The following EIF4G3 variants were observed in gnomAD, a reference collection of about 807,000 sequenced individuals.
EIF4G3 encodes eIF-4-gamma 3.
Under a neutral mutation model 186.4 loss-of-function variants are expected in EIF4G3, and 34 were observed. That is an observed-to-expected ratio of 0.18 (90% CI 0.14 to 0.24). The LOEUF (loss-of-function observed/expected upper bound fraction) is 0.24, where lower values mean the gene tolerates loss of function less well. Among genes scored for constraint, EIF4G3 ranks in the 10% least tolerant of loss-of-function variants. The pLI, the probability that EIF4G3 is intolerant of heterozygous loss-of-function variation, is 1.00. For missense variants in EIF4G3, 1,536 were observed against 1,948.5 expected, an observed-to-expected ratio of 0.79 and a Z score of 3.99; for synonymous variants, 673 against 679.5, an observed-to-expected ratio of 0.99 and a Z score of 0.15.
At chr1:21,047,803 A>G (rs561266878) in intron 4 of EIF4G3, among the ~76,000 whole-genome samples, 24 of 152,276 alleles carry the variant, frequency 1.6e-4, no homozygotes, top group South Asian at 4.1e-4. Context: ...ACCTAAAAAA[A>G]ACTTGAGTTT....
chr1:20,902,672 G>A lies in EIF4G3; in HGVS notation c.1752+2211C>T, dbSNP rs574926790. The stretch of plus-strand genomic sequence containing the variant: ...TTTTATTTTTTTGAGACAGAGTCTC[G>A]TTCTGTTGTCCAGGCTGGAGTGCAC... On this transcript the variant is annotated intron_variant, in intron 15 of 36. Coordinates refer to ENST00000602326, the MANE Select transcript of EIF4G3 (RefSeq NM_001391906.1). Among the ~76,000 whole-genome samples the A allele has an allele frequency of 1.3e-3, 194 of 152,238 alleles. 1 individual carries two copies. In the Middle Eastern group the frequency reaches 0.014, roughly 11 times the overall value.
At chr1:20,933,772 G>A (rs1309712109) in intron 14 of EIF4G3, among the ~76,000 whole-genome samples, 2 of 152,166 alleles carry the variant, frequency 1.3e-5, no homozygotes, top group Non-Finnish European at 2.9e-5. Flanking sequence ...TTTAATTAAA[G>A]CCAGTGTATA....
At chr1:21,136,271 C>A (rs2097243867) in intron 2 of EIF4G3, among the ~76,000 whole-genome samples, 1 of 151,748 alleles carries the variant, frequency 6.6e-6, no homozygotes, top group African/African-American at 2.4e-5. Flanking sequence ...GTAATCCCAG[C>A]ACTTTGGGAG....
intron 18 of EIF4G3, among the ~76,000 whole-genome samples, chr1:20,887,896 G>A (rs1444969661): frequency 6.6e-6 from 1 of 152,150 alleles, no homozygotes; most frequent in Non-Finnish European, 1.5e-5. Flanking sequence ...TTATATTCTA[G>A]TGTTGACTTA....
At chr1:20,922,832 G>C (rs2094577541) in intron 14 of EIF4G3, among the ~76,000 whole-genome samples, 1 of 152,172 alleles carries the variant, frequency 6.6e-6, no homozygotes, top group South Asian at 2.1e-4. Context: ...ATTGTATTTT[G>C]TTGGTCTCTT....
At position 20,998,386 on chromosome 1, in the gene EIF4G3, AT is replaced by A. The variant is rs576495585; in HGVS notation, c.145-754del. On this transcript the variant is annotated intron_variant, in intron 6 of 36. Coordinates refer to ENST00000602326, the MANE Select transcript of EIF4G3 (RefSeq NM_001391906.1). ...TAGGCTTGATAAGAAAAAAGAGTAA[AT>A]AAGTCAAATCTCTTAATTACTATAG... is the stretch of plus-strand genomic sequence containing the variant. Among the ~76,000 whole-genome samples, 227 of 152,272 alleles carry A rather than the reference AT, an allele frequency of 1.5e-3. 1 individual carries two copies. The highest frequency in any genetic ancestry group is 6.8e-3 in the Middle Eastern group (2 of 294).
chr1:20,926,325 T>G (rs10916904), intron 14 of EIF4G3, among the ~76,000 whole-genome samples: 3,966 of 152,318 alleles, frequency 0.026, 167 homozygotes, highest in African/African-American at 0.089. Context: ...TTGTGAGGGT[T>G]AAAGAACTGA....
chr1:20,851,209 T>A, intron 28 of EIF4G3, 49 bp downstream of exon 28: 1 of 1,560,372 alleles, frequency 6.4e-7, no homozygotes, highest in Non-Finnish European at 8.8e-7. Flanking sequence ...TTATTTTTCC[T>A]TCCAAATTTA....
chr1:20,825,730 A>G (rs1376602544), intron 32 of EIF4G3, among the ~76,000 whole-genome samples: 1 of 152,226 alleles, frequency 6.6e-6, no homozygotes, highest in Non-Finnish European at 1.5e-5. Flanking sequence ...CCATTCAAGA[A>G]GCCTCACTAG....
chr1:21,116,182 AGAC>A (rs1349832285), intron 2 of EIF4G3, among the ~76,000 whole-genome samples: 2 of 152,224 alleles, frequency 1.3e-5, no homozygotes, highest in Non-Finnish European at 2.9e-5. Flanking sequence ...AAAATTTCTC[AGAC>A]TTCAATCCTG....
At chr1:21,111,491 T>C in intron 2 of EIF4G3, 1 of 407,698 alleles carries the variant, frequency 2.5e-6, no homozygotes. Context: ...TTCCTTTCCG[T>C]GGACTATCCA....
intron 25 of EIF4G3, among the ~76,000 whole-genome samples, 179 bp from the exon 26 acceptor site, chr1:20,855,250 C>A (rs1557935792): frequency 6.6e-6 from 1 of 152,064 alleles, no homozygotes; most frequent in Non-Finnish European, 1.5e-5. Flanking sequence ...TCCATGTGGC[C>A]CCTGAAGCAC....
chr1:21,078,303 C>G (rs1046313797), intron 3 of EIF4G3, among the ~76,000 whole-genome samples: 8 of 151,876 alleles, frequency 5.3e-5, no homozygotes, highest in African/African-American at 1.9e-4. Context: ...TTTGCAACAA[C>G]AGAAATGGAA....
chr1:21,043,045 T>C (rs1459494303), intron 4 of EIF4G3, among the ~76,000 whole-genome samples: 3 of 152,228 alleles, frequency 2.0e-5, no homozygotes, highest in Non-Finnish European at 4.4e-5. Context: ...TGAAGTGTGA[T>C]ATTCCCAAGA....
chr1:21,091,300 T>C (rs1286924023), intron 2 of EIF4G3, among the ~76,000 whole-genome samples: 6 of 152,014 alleles, frequency 3.9e-5, no homozygotes, highest in African/African-American at 7.2e-5. Flanking sequence ...GCTGGGACTA[T>C]AGACATGCGC....
intron 4 of EIF4G3, among the ~76,000 whole-genome samples, chr1:21,035,566 G>C (rs1347356379): frequency 1.3e-5 from 2 of 152,238 alleles, no homozygotes; most frequent in African/African-American, 4.8e-5. Context: ...AGCCCAGCCA[G>C]GTATGCATAG....
At position 21,051,057 on chromosome 1, in the gene EIF4G3, C is replaced by T; in HGVS notation, c.-195-63G>A. ...AGTAAATCAATCTTAATAAATACAG[C>T]TGAACTATCTGATTTTTAATTGGAT... On this transcript the variant is annotated intron_variant, in intron 3 of 36. Transcript: ENST00000602326. 5.7e-6 allele frequency: 4 copies of T among 703,148 alleles called. No individual in the cohort carries two copies. In the South Asian group the frequency reaches 6.1e-5, roughly 11 times the overall value. The allele number at this position is 703,148 out of a possible 1,614,324, so 43.6% of individuals were successfully genotyped here.
rs558997237 is a variant in EIF4G3, at chr1:21,094,111, T to A, written c.-271-4898A>T. ...AAACTTAAAGTATAATAAAAAAAATTTTTTTTTTTTTTTAAAAAAAGCCAG... is the reference window on the plus strand; with the variant it reads ...AAACTTAAAGTATAATAAAAAAAATATTTTTTTTTTTTTAAAAAAAGCCAG... On this transcript the variant is annotated intron_variant, in intron 2 of 36. Transcript: ENST00000602326. Among the ~76,000 whole-genome samples the A allele has an allele frequency of 4.5e-3, 668 of 148,658 alleles. 9 individuals are homozygous for A. The highest frequency in any genetic ancestry group is 6.9e-3 in the Middle Eastern group (2 of 290).
chr1:20,997,348 C>A (rs2082504804), intron 7 of EIF4G3, among the ~76,000 whole-genome samples: 1 of 137,798 alleles, frequency 7.3e-6, no homozygotes, highest in Non-Finnish European at 1.6e-5. Flanking sequence ...AATTTAAAAA[C>A]AATGCTTGGC....
Sources: allele counts gnomAD v4.1 joint callset (sites outside exome capture counted in the v4.1 genomes callset), GRCh38; gene constraint gnomAD v4.1.1; transcripts MANE v1.5; gene names NCBI Gene and HGNC (gene_info 2026-07-23, HGNC 2026-07-21).